EXOC1L: variants seen among roughly 807,000 people sequenced by gnomAD.
The protein encoded by EXOC1L is exocyst complex component 1-like.
A neutral mutation model predicts 4.9 loss-of-function variants in EXOC1L; 10 were observed. The ratio of observed to expected loss-of-function variants is 2.02; its 90% CI spans 1.25 to 3.43. EXOC1L has a LOEUF of 3.43. Ranked by LOEUF, EXOC1L falls within the 30% of genes most tolerant of loss-of-function variation. The pLI is 0.00. For synonymous variants in EXOC1L, 41 were observed against 20.8 expected (o/e 1.97, Z -2.63); for missense variants, 114 against 59.4 (o/e 1.92, Z -3.02).
intron 1 of EXOC1L, among the ~76,000 whole-genome samples, chr4:55,830,798 G>A (rs928735849): frequency 6.6e-6 from 1 of 152,174 alleles, no homozygotes; most frequent in African/African-American, 2.4e-5. Context: ...TAGCTGTGAT[G>A]CAAGCATTTC....
At chr4:55,826,137 T>A (rs1719878523) in intron 1 of EXOC1L, among the ~76,000 whole-genome samples, 1 of 151,412 alleles carries the variant, frequency 6.6e-6, no homozygotes, top group Non-Finnish European at 1.5e-5. Flanking sequence ...ACTCTTTTGA[T>A]GAAAGTAATG....
rs1035977968 is a variant in EXOC1L at position 55,837,384 on chromosome 4, A to G, written c.*33A>G. ...TACCACATTCCTTCATCAGTGACCT[A>G]TGAAAATGGTTTCCCAAGTAAATAT... On this transcript the variant is annotated 3_prime_UTR_variant, in exon 3 of 3. Coordinates refer to ENST00000636125, the MANE Select transcript of EXOC1L (RefSeq NM_001351574.3). 1.8e-5 allele frequency: 8 copies of G among 441,944 alleles called. No homozygotes were observed. The highest frequency in any genetic ancestry group is 8.1e-5 in the Admixed American group (2 of 24,774). The allele number at this position is 441,944 out of a possible 1,614,324, so 27.4% of individuals were successfully genotyped here.
Position 55,831,418 on chromosome 4 carries a change from G to T in EXOC1L, c.206G>T (p.Trp69Leu). 2.9e-6 allele frequency: 2 copies of T among 695,206 alleles called. No homozygotes were observed. Among genetic ancestry groups the T allele is most frequent in the Non-Finnish European group, 5.2e-6 (2 of 381,834 alleles). The allele number at this position is 695,206 out of a possible 1,614,324, so 43.1% of individuals were successfully genotyped here. Residue 69 changes from tryptophan to leucine, a missense_variant, in exon 2 of 3, where the codon TGG becomes TTG. Trp to Leu is a moderately conservative substitution (Grantham distance 61, BLOSUM62 -2). Transcript: ENST00000636125. ...LDEKYEVTKK[W>L]SLNDLQMIDG... ...GAAAAATATGAAGTAACAAAAAAGT[G>T]GTCTTTGAACGATCTGCAGATGATT...
chr4:55,824,839 T>G (rs1719841552), intron 1 of EXOC1L, among the ~76,000 whole-genome samples: 1 of 152,202 alleles, frequency 6.6e-6, no homozygotes, highest in Non-Finnish European at 1.5e-5. Flanking sequence ...AGGGATATTA[T>G]CATTATCTCT....
chr4:55,834,455 T>C (rs184317923), intron 2 of EXOC1L, among the ~76,000 whole-genome samples: 307 of 151,970 alleles, frequency 2.0e-3, no homozygotes, highest in African/African-American at 6.9e-3. Context: ...TAGCATTCTA[T>C]CAAAAAAGAG....
At chr4:55,837,042 T>C in intron 2 of EXOC1L, 43 bp from the exon 3 acceptor site, 1 of 638,136 alleles carries the variant, frequency 1.6e-6, no homozygotes, top group Non-Finnish European at 2.9e-6. Context: ...ACCTAACTAC[T>C]TTCTTGGCTA....
At chr4:55,829,626 G>A (rs1363607914) in intron 1 of EXOC1L, among the ~76,000 whole-genome samples, 9 of 152,168 alleles carry the variant, frequency 5.9e-5, no homozygotes, top group African/African-American at 2.2e-4. Context: ...ACCCGACACA[G>A]TGCCTTCTTC....
chr4:55,821,801 A>G (rs947749078), intron 1 of EXOC1L, among the ~76,000 whole-genome samples: 2 of 152,258 alleles, frequency 1.3e-5, no homozygotes, highest in African/African-American at 4.8e-5. Flanking sequence ...AAGCCATGTC[A>G]GTTCACTAAC....
At chr4:55,828,997 A>T (rs1259567921) in intron 1 of EXOC1L, among the ~76,000 whole-genome samples, 1 of 152,176 alleles carries the variant, frequency 6.6e-6, no homozygotes, top group Non-Finnish European at 1.5e-5. Context: ...GGCTACTTCA[A>T]CTGTGTGTCA....
chr4:55,831,509 A>C, intron 2 of EXOC1L, 45 bp downstream of exon 2: 2 of 649,848 alleles, frequency 3.1e-6, no homozygotes, highest in Non-Finnish European at 5.5e-6. Flanking sequence ...AATATGCTGG[A>C]GATCTTTATG....
At chr4:55,822,249 A>G (rs1477042804) in intron 1 of EXOC1L, among the ~76,000 whole-genome samples, 2 of 152,166 alleles carry the variant, frequency 1.3e-5, no homozygotes, top group Non-Finnish European at 2.9e-5. Flanking sequence ...CTTGCAGCCA[A>G]AGGATTATGA....
rs1363594754 is a variant in EXOC1L, at chr4:55,837,186, T to A, written c.354T>A (p.Asn118Lys). The change falls in exon 3 of 3, where the codon AAT becomes AAA. Residue 118 changes from asparagine to lysine, a missense_variant. Physicochemically the swap from Asn to Lys is moderately conservative, Grantham distance 94. Transcript: ENST00000636125. ...YAFARTVNKLNHAYLKKDLQI... is the reference protein window; with the variant it reads ...YAFARTVNKLKHAYLKKDLQI... ...TTGCTCGAACTGTAAATAAGCTGAA[T>A]CATGCATATCTTAAAAAGGACTTAC... 7.1e-6 allele frequency: 5 copies of A among 702,000 alleles called. No homozygotes were observed. The highest frequency in any genetic ancestry group is 1.3e-5 in the Non-Finnish European group (5 of 384,356). 43.5% of individuals were successfully genotyped at this position (702,000 alleles called of 1,614,324 possible).
In EXOC1L at chr4:55,837,257, G is replaced by T; in HGVS notation, c.425G>T (p.Trp142Leu). 1.4e-6 allele frequency: 1 copy of T among 700,850 alleles called. No individual in the cohort carries two copies. Among genetic ancestry groups the T allele is most frequent in the Non-Finnish European group, 2.6e-6 (1 of 383,864 alleles). The allele number at this position is 700,850 out of a possible 1,614,324, so 43.4% of individuals were successfully genotyped here. Residue 142 changes from tryptophan (W) to leucine (L), a missense_variant, in exon 3 of 3, where the codon TGG becomes TTG. Transcript: ENST00000636125. ...ACATACATTAACGATGATTCCATTTGGTCCTCCAACAATAAGGATTGTTTG... is the reference window on the plus strand; with the variant it reads ...ACATACATTAACGATGATTCCATTTTGTCCTCCAACAATAAGGATTGTTTG... ...DSTYINDDSIWSSNNKDCLVL... is the reference protein window; with the variant it reads ...DSTYINDDSILSSNNKDCLVL...
chr4:55,824,134 A>C (rs950815015), intron 1 of EXOC1L, among the ~76,000 whole-genome samples: 4 of 152,120 alleles, frequency 2.6e-5, no homozygotes, highest in African/African-American at 9.7e-5. Context: ...CAATTGTCAA[A>C]TGGGGAACAG....
intron 1 of EXOC1L, among the ~76,000 whole-genome samples, chr4:55,825,079 C>A (rs1456899536): frequency 6.6e-6 from 1 of 152,060 alleles, no homozygotes; most frequent in South Asian, 2.1e-4. Flanking sequence ...ATTGATGATG[C>A]AATAAAAGGG....
At chr4:55,834,417 A>T (rs527620558) in intron 2 of EXOC1L, among the ~76,000 whole-genome samples, 1 of 152,078 alleles carries the variant, frequency 6.6e-6, no homozygotes, top group South Asian at 2.1e-4. Context: ...ACATATCAAT[A>T]AATGATTCCT....
rs201549199 is a variant in EXOC1L, at chr4:55,823,691, T to TTTTG, written c.121+3563_121+3566dup. ...AGTTGCAGTTTTACTCAAGGCTGTT[T>TTTTG]TTTGTTTGTTTGTTTGTTTGTTCGT... is the stretch of plus-strand genomic sequence containing the variant. On this transcript the variant is annotated intron_variant, in intron 1 of 2. Coordinates refer to ENST00000636125, the MANE Select transcript of EXOC1L (RefSeq NM_001351574.3). 5.9e-3 allele frequency among the ~76,000 whole-genome samples: 808 copies of TTTTG among 137,170 alleles called. 6 individuals are homozygous for TTTTG. Among genetic ancestry groups the TTTTG allele is most frequent in the African/African-American group, 0.019 (763 of 39,322 alleles). The allele number at this position is 137,170 out of a possible 152,430, so 90.0% of individuals were successfully genotyped here.
At chr4:55,830,674 C>G (rs1720007154) in intron 1 of EXOC1L, among the ~76,000 whole-genome samples, 1 of 150,866 alleles carries the variant, frequency 6.6e-6, no homozygotes, top group African/African-American at 2.5e-5. Flanking sequence ...TTTCCCATAT[C>G]TTTCAAAGTA....
chr4:55,833,356 T>C (rs1351708311), intron 2 of EXOC1L, among the ~76,000 whole-genome samples: 24 of 151,886 alleles, frequency 1.6e-4, no homozygotes, highest in Admixed American at 1.6e-3. Flanking sequence ...TGAATCTTAA[T>C]GTTTTTACAA....
Sources: gnomAD v4.1 joint callset for allele counts (sites outside exome capture counted in the v4.1 genomes callset) on GRCh38, gnomAD v4.1.1 for gene constraint, MANE v1.5 for transcripts, NCBI Gene and HGNC (gene_info 2026-07-23, HGNC 2026-07-21) for gene names.